TNRC6A: variants seen among roughly 807,000 people sequenced by gnomAD.
The protein encoded by TNRC6A is trinucleotide repeat-containing gene 6A protein.
TNRC6A carries 44 observed loss-of-function variants against 221.2 expected under a neutral mutation model. That is an observed-to-expected ratio of 0.20 (90% CI 0.16 to 0.26). The LOEUF is 0.26. TNRC6A is among the 10% of genes least tolerant of loss of function. The probability of loss-of-function intolerance (pLI) is 1.00; values close to 1 mark genes in which losing one functional copy is unlikely to be tolerated. For synonymous variants in TNRC6A, 847 were observed against 838.5 expected, an observed-to-expected ratio of 1.01 and a Z score of -0.18; for missense variants, 2,199 against 2,404.4, an observed-to-expected ratio of 0.91 and a Z score of 1.79.
chr16:24,755,264 G>T (rs1380878899), intron 3 of TNRC6A, among the ~76,000 whole-genome samples: 1 of 152,160 alleles, frequency 6.6e-6, no homozygotes, highest in Non-Finnish European at 1.5e-5. Context: ...ATGTTAGGTT[G>T]TAATACTTGG....
chr16:24,823,317 C>G lies in TNRC6A; in HGVS notation c.5514-115C>G. On this transcript the variant is annotated intron_variant, in intron 24 of 24. Coordinates refer to ENST00000395799, the MANE Select transcript of TNRC6A (RefSeq NM_014494.4). This position sits in a 1 kb window ranked among gnomAD's most constrained non-coding sequence, Gnocchi z 4.3. Reference sequence around the variant, plus strand: ...ACGCAGGTTATGTGGTGTAGTCTCTCCCTCTGTGCCTTCTGTGGCTTTTCT... The same window carrying G: ...ACGCAGGTTATGTGGTGTAGTCTCTGCCTCTGTGCCTTCTGTGGCTTTTCT... 7.6e-7 allele frequency: 1 copy of G among 1,307,560 alleles called. No individual in the cohort carries two copies. Among genetic ancestry groups the G allele is most frequent in the Non-Finnish European group, 1.1e-6 (1 of 952,356 alleles). 81.0% of individuals were successfully genotyped at this position (1,307,560 alleles called of 1,614,324 possible).
At chr16:24,765,336 G>A (rs769375007) in intron 4 of TNRC6A, among the ~76,000 whole-genome samples, 4 of 152,188 alleles carry the variant, frequency 2.6e-5, no homozygotes, top group Non-Finnish European at 5.9e-5. Flanking sequence ...GGGCCATTAG[G>A]GTAAACAGAA....
intron 1 of TNRC6A, among the ~76,000 whole-genome samples, chr16:24,617,445 G>T (rs1029977131): frequency 1.3e-5 from 2 of 152,106 alleles, no homozygotes; most frequent in Admixed American, 6.6e-5. Context: ...TAATCCTAAT[G>T]CCTAGTGTGA....
At chr16:24,743,703 A>G (rs1461439451) in intron 2 of TNRC6A, among the ~76,000 whole-genome samples, 4 of 152,214 alleles carry the variant, frequency 2.6e-5, no homozygotes, top group Non-Finnish European at 2.9e-5. Context: ...TTAATCCTCA[A>G]ACATTAACAT....
intron 4 of TNRC6A, among the ~76,000 whole-genome samples, chr16:24,763,210 A>G (rs1300262492): frequency 6.6e-6 from 1 of 152,040 alleles, no homozygotes; most frequent in East Asian, 1.9e-4. Context: ...AAACCAGAGT[A>G]CTAAATTACG....
Position 24,720,716 on chromosome 16 carries a change from G to GAAA in TNRC6A, n.403-30000_403-29998dup, listed in dbSNP as rs984845041. On this transcript the variant is annotated intron_variant and non_coding_transcript_variant, in intron 2 of 2. Transcript: ENST00000566108. The stretch of plus-strand genomic sequence containing the variant: ...CAAAAAAAAAAAAAAAAGAAAGAAA[G>GAAA]AAAAAAAAAAAAGAAAAAAGAAAAA... Among the ~76,000 whole-genome samples, 4 of 122,064 alleles carry GAAA rather than the reference G, an allele frequency of 3.3e-5. 1 individual carries two copies. The highest frequency in any genetic ancestry group is 9.0e-5 in the African/African-American group (3 of 33,244). 80.1% of individuals were successfully genotyped at this position (122,064 alleles called of 152,430 possible). A position where few individuals can be genotyped will look rare whatever the true frequency, so the allele number is the denominator to read the frequency against.
chr16:24,816,328 C>CAA (rs68019317), intron 19 of TNRC6A: 35 of 103,200 alleles, frequency 3.4e-4, no homozygotes, highest in East Asian at 2.8e-3. Flanking sequence ...GACTCTGTCT[C>CAA]AAAAAAAAAA....
At position 24,825,973 on chromosome 16, in the gene TNRC6A, G is replaced by A. The variant is rs1020141264; in HGVS notation, c.*2166G>A. On this transcript the variant is annotated 3_prime_UTR_variant, in exon 25 of 25. Coordinates refer to ENST00000395799, the MANE Select transcript of TNRC6A (RefSeq NM_014494.4). ...TGCCAGGTGTGAGCTAATGTTGTCG[G>A]ACACCTTACTATAAGCAAATGTTAT... 3 of 152,614 alleles carry A rather than the reference G, an allele frequency of 2.0e-5. No individual in the cohort carries two copies. Among genetic ancestry groups the A allele is most frequent in the Non-Finnish European group, 4.4e-5 (3 of 68,040 alleles). 9.5% of individuals were successfully genotyped at this position (152,614 alleles called of 1,614,324 possible).
In TNRC6A at chr16:24,653,766, G is replaced by A. The variant is rs144536009; in HGVS notation, n.402+12757G>A. 3.0e-4 allele frequency among the ~76,000 whole-genome samples: 40 copies of A among 132,762 alleles called. No homozygotes were observed. In the East Asian group the frequency reaches 9.3e-3, roughly 31 times the overall value. The allele number at this position is 132,762 out of a possible 152,430, so 87.1% of individuals were successfully genotyped here. ...CTGTATTCCAGCCTAGAGTGAGAGA[G>A]CGAGACTCTATCAAAAAAAAAAAAA... On this transcript the variant is annotated intron_variant and non_coding_transcript_variant, in intron 2 of 2. Transcript: ENST00000566108.
chr16:24,743,161 G>A (rs1268394243), intron 2 of TNRC6A, among the ~76,000 whole-genome samples: 1 of 152,024 alleles, frequency 6.6e-6, no homozygotes, highest in Admixed American at 6.6e-5. Context: ...ACTGTCAAAG[G>A]GGAATAATAC....
chr16:24,683,087 G>A (rs1235553395), intron 2 of TNRC6A, among the ~76,000 whole-genome samples: 1 of 152,142 alleles, frequency 6.6e-6, no homozygotes, highest in Non-Finnish European at 1.5e-5. Context: ...AGAGCAAGGA[G>A]ACCCCATGAC....
At chr16:24,819,731 G>C (rs2058731031) in intron 21 of TNRC6A, 1 of 197,666 alleles carries the variant, frequency 5.1e-6, no homozygotes, top group Non-Finnish European at 1.0e-5. Flanking sequence ...CTGAGTTGGG[G>C]CTCTTTTGCA....
chr16:24,708,279 C>A (rs1199834061), intron 2 of TNRC6A, among the ~76,000 whole-genome samples: 1 of 146,928 alleles, frequency 6.8e-6, no homozygotes, highest in South Asian at 2.2e-4. Flanking sequence ...CTCGCTCTGT[C>A]GCCCAGGCTG....
intron 1 of TNRC6A, among the ~76,000 whole-genome samples, chr16:24,627,577 G>A (rs1901087372): frequency 6.6e-6 from 1 of 151,710 alleles, no homozygotes; most frequent in South Asian, 2.1e-4. Flanking sequence ...CCTCAGGAGT[G>A]TTTAGCATTG....
intron 2 of TNRC6A, among the ~76,000 whole-genome samples, chr16:24,651,690 CT>C (rs142284534): frequency 0.062 from 9,334 of 151,108 alleles, 672 homozygotes; most frequent in African/African-American, 0.17. Context: ...GAGACACCCC[CT>C]CCCCCCGCCA....
At position 24,823,298 on chromosome 16, in the gene TNRC6A, G is replaced by A. The variant is rs946318517; in HGVS notation, c.5514-134G>A. On this transcript the variant is annotated intron_variant, in intron 24 of 24. Transcript: ENST00000395799. This position sits in a 1 kb window ranked among gnomAD's most constrained non-coding sequence, Gnocchi z 4.3. The stretch of plus-strand genomic sequence containing the variant: ...ACTCGGGTGAAGGGAGGGCACGCAG[G>A]TTATGTGGTGTAGTCTCTCCCTCTG... 3.0e-5 allele frequency: 35 copies of A among 1,161,358 alleles called. No homozygotes were observed. Among genetic ancestry groups the A allele is most frequent in the Non-Finnish European group, 3.7e-5 (31 of 829,340 alleles). The allele number at this position is 1,161,358 out of a possible 1,614,324, so 71.9% of individuals were successfully genotyped here. A position where few individuals can be genotyped will look rare whatever the true frequency, so the allele number is the denominator to read the frequency against.
chr16:24,737,154 T>TAATAAA (rs993400713), intron 2 of TNRC6A, among the ~76,000 whole-genome samples: 2 of 151,996 alleles, frequency 1.3e-5, no homozygotes, highest in African/African-American at 4.8e-5. Context: ...CAAAATAAAA[T>TAATAAA]AATAAAAATA....
intron 2 of TNRC6A, among the ~76,000 whole-genome samples, 167 bp downstream of exon 2, chr16:24,730,467 A>G (rs1406187925): frequency 1.3e-5 from 2 of 149,950 alleles, no homozygotes; most frequent in African/African-American, 4.9e-5. Flanking sequence ...TTGCGGGGAG[A>G]TGCGTAATTA....
At chr16:24,751,563 A>G (rs923704624) in intron 3 of TNRC6A, among the ~76,000 whole-genome samples, 1 of 152,212 alleles carries the variant, frequency 6.6e-6, no homozygotes, top group Non-Finnish European at 1.5e-5. Flanking sequence ...CTAAAAACTG[A>G]TAATAGTTAG....
Sources: allele counts gnomAD v4.1 joint callset (sites outside exome capture counted in the v4.1 genomes callset), GRCh38; gene constraint gnomAD v4.1.1; non-coding constraint Gnocchi (gnomAD v3.1); transcripts MANE v1.5; gene names NCBI Gene and HGNC (gene_info 2026-07-23, HGNC 2026-07-21).